The following LOC400499 variants were observed in gnomAD, a reference collection of about 807,000 sequenced individuals.
the LOC400499 span, chr16:11,423,985 C>G: frequency 1.0e-5 from 4 of 398,256 alleles, no homozygotes; most frequent in Non-Finnish European, 1.8e-5. Flanking sequence ...GCTCGCCATC[C>G]AAGATCACCG....
the LOC400499 span, among the ~76,000 whole-genome samples, chr16:11,498,762 T>C: frequency 6.6e-6 from 1 of 151,692 alleles, no homozygotes; most frequent in East Asian, 2.0e-4. Context: ...GCTTCTGGGC[T>C]CCACAAGCCG....
the LOC400499 span, chr16:11,475,476 A>G: frequency 2.5e-6 from 1 of 394,986 alleles, no homozygotes; most frequent in Non-Finnish European, 4.5e-6. Context: ...GTCTAAATTG[A>G]TTGAAACCTG....
the LOC400499 span, among the ~76,000 whole-genome samples, chr16:11,400,552 C>A: frequency 1.3e-5 from 2 of 152,092 alleles, no homozygotes; most frequent in Non-Finnish European, 2.9e-5. Flanking sequence ...ACGATCCTCC[C>A]GCCTCAGCCT....
the LOC400499 span, among the ~76,000 whole-genome samples, chr16:11,526,234 T>C: frequency 6.6e-6 from 1 of 152,214 alleles, no homozygotes; most frequent in Admixed American, 6.5e-5. Flanking sequence ...AAACTTTTCA[T>C]TTAATTTTAA....
At chr16:11,377,235 A>G in the LOC400499 span, among the ~76,000 whole-genome samples, 9 of 152,210 alleles carry the variant, frequency 5.9e-5, no homozygotes, top group Non-Finnish European at 1.2e-4. Flanking sequence ...TAGTTCTAAC[A>G]GTTGTTTTTT....
chr16:11,494,844 G>A, the LOC400499 span: 5 of 391,280 alleles, frequency 1.3e-5, no homozygotes, highest in East Asian at 1.4e-4. Flanking sequence ...CGACTCACCT[G>A]GGCAACTTCA....
chr16:11,511,052 A>G, the LOC400499 span, among the ~76,000 whole-genome samples: 1 of 148,752 alleles, frequency 6.7e-6, no homozygotes, highest in African/African-American at 2.5e-5. Flanking sequence ...GCTGGAGTGC[A>G]GTGACGCGAT....
the LOC400499 span, among the ~76,000 whole-genome samples, chr16:11,420,299 A>G: frequency 2.0e-4 from 31 of 152,060 alleles, no homozygotes; most frequent in African/African-American, 7.5e-4. Context: ...TTGTAGGGAC[A>G]TGGATGAAAT....
At chr16:11,378,313 G>C in the LOC400499 span, among the ~76,000 whole-genome samples, 6 of 151,032 alleles carry the variant, frequency 4.0e-5, no homozygotes, top group Admixed American at 4.0e-4. Flanking sequence ...GCCCAGGCTG[G>C]AGTGCAGTGG....
At chr16:11,482,749 C>A in the LOC400499 span, among the ~76,000 whole-genome samples, 1 of 151,864 alleles carries the variant, frequency 6.6e-6, no homozygotes, top group African/African-American at 2.4e-5. Context: ...AAAACTTAGC[C>A]AGGTGTGGCA....
chr16:11,434,715 A>T, the LOC400499 span, among the ~76,000 whole-genome samples: 1 of 152,180 alleles, frequency 6.6e-6, no homozygotes, highest in South Asian at 2.1e-4. Flanking sequence ...TTGGAATTCA[A>T]ATGCAGGGCT....
At chr16:11,410,191 C>T in the LOC400499 span, among the ~76,000 whole-genome samples, 5 of 152,136 alleles carry the variant, frequency 3.3e-5, no homozygotes, top group Admixed American at 6.5e-5. Flanking sequence ...CAGTGGCTCA[C>T]GCCTGTAATC....
chr16:11,483,206 G>A, the LOC400499 span, among the ~76,000 whole-genome samples: 2 of 152,170 alleles, frequency 1.3e-5, no homozygotes, highest in East Asian at 3.8e-4. Flanking sequence ...ACACAATGCT[G>A]GTGGGAATGC....
chr16:11,510,039 T>C, the LOC400499 span, among the ~76,000 whole-genome samples: 1 of 94,026 alleles, frequency 1.1e-5, no homozygotes, highest in Non-Finnish European at 2.5e-5. Flanking sequence ...ATCTCTCTCA[T>C]GCATTCGTCC....
the LOC400499 span, among the ~76,000 whole-genome samples, chr16:11,444,471 T>C: frequency 5.3e-5 from 8 of 152,146 alleles, no homozygotes; most frequent in Non-Finnish European, 7.4e-5. Flanking sequence ...TTTTTGCAAG[T>C]GAAGCCCTGT....
At chr16:11,437,837 C>A in the LOC400499 span, among the ~76,000 whole-genome samples, 514 of 152,324 alleles carry the variant, frequency 3.4e-3, 2 homozygotes, top group Non-Finnish European at 5.2e-3. Context: ...CCACGGCACT[C>A]CAGCTTGGGT....
chr16:11,406,494 G>C, the LOC400499 span, among the ~76,000 whole-genome samples: 1 of 152,152 alleles, frequency 6.6e-6, no homozygotes, highest in South Asian at 2.1e-4. Flanking sequence ...GTGCAACGGC[G>C]CAATCTCGGC....
chr16:11,479,897 T>C, the LOC400499 span, among the ~76,000 whole-genome samples: 3 of 152,204 alleles, frequency 2.0e-5, no homozygotes, highest in Non-Finnish European at 4.4e-5. Flanking sequence ...GGTCTCTGGT[T>C]CATGGCAGTT....
At chr16:11,425,126 T>G in the LOC400499 span, 1 of 398,980 alleles carries the variant, frequency 2.5e-6, no homozygotes, top group Non-Finnish European at 4.4e-6. Flanking sequence ...TCGTCCTACC[T>G]GCATCACTCA....
Sources: allele counts gnomAD v4.1 joint callset (sites outside exome capture counted in the v4.1 genomes callset), GRCh38; gene constraint gnomAD v4.1.1; transcripts MANE v1.5.